The following PRELID2 variants were observed in gnomAD, a reference collection of about 807,000 sequenced individuals.
PRELID2 encodes PRELI domain-containing protein 2.
Under a neutral mutation model 28.4 loss-of-function variants are expected in PRELID2, and 25 were observed. That is an observed-to-expected ratio of 0.88 (90% CI 0.64 to 1.23). The LOEUF (loss-of-function observed/expected upper bound fraction) is 1.23. Among genes scored for constraint, PRELID2 ranks in the 50% most tolerant of loss-of-function variants. PRELID2 has a pLI of 0.00. For synonymous variants in PRELID2, 76 were observed against 71.6 expected, an observed-to-expected ratio of 1.06 and a Z score of -0.31; for missense variants, 201 against 214.4, an observed-to-expected ratio of 0.94 and a Z score of 0.39.
intron 2 of PRELID2, among the ~76,000 whole-genome samples, chr5:145,820,607 T>C (rs1003602688): frequency 6.6e-6 from 1 of 152,150 alleles, no homozygotes. Flanking sequence ...TTAGCCACAT[T>C]TCTCTCTCAT....
At chr5:145,286,909 C>T in the PRELID2 span, among the ~76,000 whole-genome samples, 1 of 151,984 alleles carries the variant, frequency 6.6e-6, no homozygotes, top group African/African-American at 2.4e-5. Flanking sequence ...TGAGTTTCAC[C>T]ATATTGGCCA....
intron 2 of PRELID2, among the ~76,000 whole-genome samples, chr5:145,822,368 G>A (rs1431400558): frequency 1.3e-5 from 2 of 152,150 alleles, no homozygotes; most frequent in Admixed American, 1.3e-4. Context: ...AGTTTTGTGG[G>A]CAATAAAGTC....
chr5:145,323,647 C>T, the PRELID2 span, among the ~76,000 whole-genome samples: 22 of 152,048 alleles, frequency 1.4e-4, no homozygotes, highest in Non-Finnish European at 2.5e-4. Context: ...TCCCAGCATC[C>T]GTTCCCTTCT....
intron 1 of PRELID2, among the ~76,000 whole-genome samples, chr5:145,618,800 G>C (rs1354029972): frequency 6.6e-6 from 1 of 152,142 alleles, no homozygotes; most frequent in Non-Finnish European, 1.5e-5. Context: ...AGGACCATCA[G>C]GTGGGGACAA....
downstream of PRELID2, among the ~76,000 whole-genome samples, chr5:145,470,731 G>A (rs140538755): frequency 1.6e-3 from 244 of 152,204 alleles, 2 homozygotes; most frequent in African/African-American, 5.6e-3. Context: ...TTTACAGATA[G>A]GGAGACAGAA....
chr5:145,824,526 G>C (rs1246902830), intron 1 of PRELID2, among the ~76,000 whole-genome samples: 1 of 149,510 alleles, frequency 6.7e-6, no homozygotes, highest in African/African-American at 2.5e-5. Flanking sequence ...CATTCTTAAA[G>C]ATATCTGTGA....
chr5:145,311,885 C>T, the PRELID2 span, among the ~76,000 whole-genome samples: 328 of 151,862 alleles, frequency 2.2e-3, no homozygotes, highest in African/African-American at 7.6e-3. Flanking sequence ...AGAAGGGGCC[C>T]GTGGTTCCGC....
intron 1 of PRELID2, among the ~76,000 whole-genome samples, chr5:145,675,974 A>C (rs1315254167): frequency 6.6e-6 from 1 of 152,232 alleles, no homozygotes; most frequent in Non-Finnish European, 1.5e-5. Context: ...TAATCCCAGC[A>C]CTTTGGGAGG....
chr5:145,353,110 C>T, the PRELID2 span, among the ~76,000 whole-genome samples: 2 of 152,102 alleles, frequency 1.3e-5, no homozygotes, highest in African/African-American at 4.8e-5. Flanking sequence ...ATAGCAGCAC[C>T]CCACTCTCTG....
At chr5:145,598,390 C>T (rs945164143) in intron 1 of PRELID2, among the ~76,000 whole-genome samples, 2 of 151,964 alleles carry the variant, frequency 1.3e-5, no homozygotes, top group African/African-American at 2.4e-5. Context: ...GGATTGTTCT[C>T]GAAAAACCGG....
intron 1 of PRELID2, among the ~76,000 whole-genome samples, chr5:145,704,857 T>C (rs886377693): frequency 3.3e-5 from 5 of 152,180 alleles, no homozygotes; most frequent in Non-Finnish European, 7.3e-5. Flanking sequence ...GCACTTGTAC[T>C]GACAGGGAGA....
chr5:145,653,784 C>T (rs148598477), intron 1 of PRELID2, among the ~76,000 whole-genome samples: 13,023 of 152,160 alleles, frequency 0.086, 785 homozygotes, highest in Admixed American at 0.19. Context: ...TAAATGCCCA[C>T]AAGAGAAAGC....
intron 1 of PRELID2, among the ~76,000 whole-genome samples, chr5:145,481,125 CCTACTTTT>C (rs1034230331): frequency 2.0e-5 from 3 of 151,968 alleles, no homozygotes; most frequent in African/African-American, 7.2e-5. Flanking sequence ...AGATAAAAGC[CCTACTTTT>C]CACCTAGAGC....
chr5:145,606,787 G>A (rs1753510681), intron 1 of PRELID2, among the ~76,000 whole-genome samples: 1 of 152,128 alleles, frequency 6.6e-6, no homozygotes, highest in Non-Finnish European at 1.5e-5. Context: ...TATGGAATTA[G>A]TGAGAAGTTG....
chr5:145,352,494 C>G, the PRELID2 span, among the ~76,000 whole-genome samples: 1 of 152,128 alleles, frequency 6.6e-6, no homozygotes, highest in Non-Finnish European at 1.5e-5. Flanking sequence ...GAAGGAAGCC[C>G]CTGGGTCCAA....
At chr5:145,819,580 A>C (rs1194712923) in intron 3 of PRELID2, 1 of 585,744 alleles carries the variant, frequency 1.7e-6, no homozygotes, top group African/African-American at 1.9e-5. Flanking sequence ...TCTCTTTCTT[A>C]TTAAAGATGA....
chr5:145,450,451 C>T, the PRELID2 span, among the ~76,000 whole-genome samples: 1 of 152,128 alleles, frequency 6.6e-6, no homozygotes, highest in Non-Finnish European at 1.5e-5. Context: ...AACAATCTAC[C>T]TCCTGGGCAG....
intron 1 of PRELID2, among the ~76,000 whole-genome samples, chr5:145,833,416 C>A (rs1448670620): frequency 6.6e-6 from 1 of 152,152 alleles, no homozygotes; most frequent in Admixed American, 6.5e-5. Flanking sequence ...CTCCAAAGTG[C>A]CAGTTCTAAC....
chr5:145,783,893 T>C (rs1374288369), intron 5 of PRELID2, among the ~76,000 whole-genome samples: 1 of 152,220 alleles, frequency 6.6e-6, no homozygotes, highest in Non-Finnish European at 1.5e-5. Flanking sequence ...TTTAGAATTG[T>C]GACTACCCGT....
Sources: allele counts gnomAD v4.1 joint callset (sites outside exome capture counted in the v4.1 genomes callset), GRCh38; gene constraint gnomAD v4.1.1; transcripts MANE v1.5; gene names NCBI Gene and HGNC (gene_info 2026-07-23, HGNC 2026-07-21).